The following SYNE1 variants were observed in gnomAD, a reference collection of about 807,000 sequenced individuals.
SYNE1 encodes the protein nesprin-1.
In SYNE1, 616 loss-of-function variants were observed where a neutral mutation model predicts 1,111.0. The ratio of observed to expected loss-of-function variants is 0.55; its 90% CI spans 0.52 to 0.59. SYNE1 has a LOEUF of 0.59. SYNE1 is among the 20% of genes least tolerant of loss of function. The pLI is 0.00. For synonymous variants in SYNE1, 3,855 were observed against 3,825.8 expected, an observed-to-expected ratio of 1.01 and a Z score of -0.28; for missense variants, 10,006 against 10,417.0, an observed-to-expected ratio of 0.96 and a Z score of 1.72.
chr6:152,331,668 T>G lies in SYNE1; in HGVS notation c.13017A>C (p.Ser4339=). ...CATTTAACTCCTCCAAGTTGGTGAC[T>G]GACACTTGGATTTTCCTTTTAATGA... ...EDLIKRKIQV[S]VTNLEELNVV... The change falls in exon 78 of 146, where the codon TCA becomes TCC. Residue 4339 remains serine, a synonymous_variant. Transcript: ENST00000367255. 5 of 1,614,222 alleles carry G rather than the reference T, an allele frequency of 3.1e-6. No individual in the cohort carries two copies. Among genetic ancestry groups the G allele is most frequent in the Non-Finnish European group, 4.2e-6 (5 of 1,180,034 alleles).
rs1255278240 is a variant in SYNE1, at chr6:152,359,343, C to T, written c.10415G>A (p.Arg3472Gln). Reference sequence around the variant, plus strand: ...GGCCCTCTCTTGGATGGCTCTGTATCGTTCCTGTAGATCCTGGAGTTCTAG... The same window carrying T: ...GGCCCTCTCTTGGATGGCTCTGTATTGTTCCTGTAGATCCTGGAGTTCTAG... ...TQLELQDLQE[R>Q]YRAIQERAKE... is the part of the protein sequence containing the mutation. Residue 3472 changes from arginine to glutamine, a missense_variant, in exon 65 of 146, where the codon CGA (arginine) becomes CAA (glutamine). Around this residue, in one of 7 missense-constraint regions of SYNE1, gnomAD observed 4,955 missense variants for 5,017.2 expected, o/e 0.99. Coordinates refer to ENST00000367255, the MANE Select transcript of SYNE1 (RefSeq NM_182961.4). The T allele has an allele frequency of 5.0e-6, 8 of 1,613,996 alleles. No homozygotes were observed. The highest frequency in any genetic ancestry group is 2.2e-5 in the East Asian group (1 of 44,890).
chr6:152,234,299 T>G (rs2083466535), intron 111 of SYNE1, among the ~76,000 whole-genome samples: 1 of 100,134 alleles, frequency 1.0e-5, no homozygotes, highest in African/African-American at 4.1e-5. Flanking sequence ...TTTTCTTTTC[T>G]TTTTTTCTTT....
chr6:152,346,776 C>G (rs1224054753), intron 73 of SYNE1, among the ~76,000 whole-genome samples: 16 of 152,144 alleles, frequency 1.1e-4, no homozygotes, highest in Admixed American at 1.0e-3. Flanking sequence ...CGCCACTGCA[C>G]TCCAGCCTGT....
intron 2 of SYNE1, among the ~76,000 whole-genome samples, chr6:152,629,542 G>GGGGGGGGGGGGGGGGT (rs2099693948): frequency 8.6e-6 from 1 of 116,566 alleles, no homozygotes; most frequent in Non-Finnish European, 1.8e-5. Context: ...GGGGGGAGGG[G>GGGGGGGGGGGGGGGGT]GAGGGGAGGA....
At position 152,256,701 on chromosome 6, in the gene SYNE1, T is replaced by C; in HGVS notation, c.19037A>G (p.Gln6346Arg). 1 of 1,614,108 alleles carries C rather than the reference T, an allele frequency of 6.2e-7. No individual in the cohort carries two copies. The highest frequency in any genetic ancestry group is 8.5e-7 in the Non-Finnish European group (1 of 1,179,958). Residue 6346 changes from glutamine (Q) to arginine (R), a missense_variant, in exon 102 of 146, where the codon CAA (glutamine) becomes CGA (arginine). Physicochemically the swap from Gln to Arg is conservative, Grantham distance 43. Transcript: ENST00000367255. ...CAAAGATGTAACTGCAGATTTATCT[T>C]GGGTTGGCACGTCCCCTTTGTACAG... is the stretch of plus-strand genomic sequence containing the variant. The part of the protein sequence containing the change: ...VPLYKGDVPT[Q>R]DKSAVTSLLD...
chr6:152,345,573 G>T (rs1651317209), intron 73 of SYNE1, among the ~76,000 whole-genome samples: 1 of 103,910 alleles, frequency 9.6e-6, no homozygotes, highest in Non-Finnish European at 2.3e-5. Flanking sequence ...ACCTTTGAAG[G>T]TGAATTTTTT....
chr6:152,429,456 TCTCA>T (rs563100764), intron 36 of SYNE1, among the ~76,000 whole-genome samples: 78 of 152,316 alleles, frequency 5.1e-4, no homozygotes, highest in African/African-American at 1.9e-3. Context: ...ACAATAGAAA[TCTCA>T]CTCCCTCTTC....
intron 4 of SYNE1, among the ~76,000 whole-genome samples, chr6:152,538,554 A>G (rs1430789205): frequency 6.6e-6 from 1 of 151,904 alleles, no homozygotes; most frequent in Non-Finnish European, 1.5e-5. Flanking sequence ...ACTTTCTAAA[A>G]GTTTCATTAT....
chr6:152,630,311 A>G (rs191909717), intron 2 of SYNE1, among the ~76,000 whole-genome samples: 1 of 152,260 alleles, frequency 6.6e-6, no homozygotes, highest in African/African-American at 2.4e-5. Context: ...TGAAAGGAGT[A>G]TATACTAGAA....
chr6:152,256,526 C>G, intron 102 of SYNE1, 108 bp downstream of exon 102: 1 of 1,456,052 alleles, frequency 6.9e-7, no homozygotes, highest in Non-Finnish European at 9.5e-7. Context: ...AGTGTTGGGT[C>G]TCATGCTCAG....
At chr6:152,379,928 G>A (rs1040676687) in intron 56 of SYNE1, among the ~76,000 whole-genome samples, 3 of 152,126 alleles carry the variant, frequency 2.0e-5, no homozygotes, top group Non-Finnish European at 4.4e-5. Flanking sequence ...GAAAGAAAAA[G>A]GAACCAAGAA....
chr6:152,188,455 A>T (rs1004352670), intron 128 of SYNE1, among the ~76,000 whole-genome samples: 1 of 152,204 alleles, frequency 6.6e-6, no homozygotes, highest in East Asian at 1.9e-4. Flanking sequence ...GTATTTAATA[A>T]ATGAATAAAG....
At chr6:152,221,655 C>T (rs1588130246) in intron 117 of SYNE1, 96 bp from the exon 118 acceptor site, 3 of 1,497,516 alleles carry the variant, frequency 2.0e-6, no homozygotes, top group East Asian at 4.5e-5. Flanking sequence ...TAAATATGTA[C>T]ATATACTTGT....
rs768821441 is a variant in SYNE1 at position 152,354,922 on chromosome 6, T to C, written c.10663A>G (p.Thr3555Ala). The change falls in exon 67 of 146, where the codon ACC (threonine) becomes GCC (alanine). Residue 3555 changes from threonine (T) to alanine (A), a missense_variant. By Grantham distance (58) the Thr-to-Ala change is moderately conservative. Around this residue, in one of 7 missense-constraint regions of SYNE1, gnomAD observed 4,955 missense variants for 5,017.2 expected, o/e 0.99. Transcript: ENST00000367255. Reference protein sequence around the residue: ...GQALLNSVLHTREDVIPSGIP... With the variant: ...GQALLNSVLHAREDVIPSGIP... ...CCTGATGGGATCACATCCTCTCTGG[T>C]GTGCAGCACTGAGTTCAACAGGGCC... 3 of 1,614,144 alleles carry C rather than the reference T, an allele frequency of 1.9e-6. No individual in the cohort carries two copies. The highest frequency in any genetic ancestry group is 2.5e-6 in the Non-Finnish European group (3 of 1,180,026).
rs2154248902 is a variant in SYNE1 at position 152,449,580 on chromosome 6, C to T, written c.3457G>A (p.Glu1153Lys). Residue 1153 changes from glutamate to lysine, a missense_variant, in exon 28 of 146, where the codon GAG becomes AAG. Glu to Lys is a moderately conservative substitution (Grantham distance 56). Coordinates refer to ENST00000367255, the MANE Select transcript of SYNE1 (RefSeq NM_182961.4). Reference sequence around the variant, plus strand: ...CCGTGGTTGGCAGTATCGATGGCCTCACCCTTGATCCCCTTTAATTGTGTC... The same window carrying T: ...CCGTGGTTGGCAGTATCGATGGCCTTACCCTTGATCCCCTTTAATTGTGTC... ...NETQLKGIKG[E>K]AIDTANHGEV... 3 of 1,614,150 alleles carry T rather than the reference C, an allele frequency of 1.9e-6. No individual in the cohort carries two copies. The highest frequency in any genetic ancestry group is 4.5e-5 in the East Asian group (2 of 44,876).
rs542243844 is a variant in SYNE1, at chr6:152,193,969, C to T, written c.23146-4562G>A. Reference sequence around the variant, plus strand: ...CAGAGCTTGCAGTGGGCCAAGATCCCGCCACTGCACTCCAGCCTGGGCAGC... The same window carrying T: ...CAGAGCTTGCAGTGGGCCAAGATCCTGCCACTGCACTCCAGCCTGGGCAGC... On this transcript the variant is annotated intron_variant, in intron 127 of 145. Coordinates refer to ENST00000367255, the MANE Select transcript of SYNE1 (RefSeq NM_182961.4). 5.6e-3 allele frequency among the ~76,000 whole-genome samples: 842 copies of T among 150,918 alleles called. 4 individuals carry two copies. Among genetic ancestry groups the T allele is most frequent in the Non-Finnish European group, 9.8e-3 (666 of 67,796 alleles).
intron 128 of SYNE1, among the ~76,000 whole-genome samples, chr6:152,187,747 T>G (rs1012803314): frequency 1.4e-4 from 21 of 149,812 alleles, no homozygotes; most frequent in Non-Finnish European, 2.8e-4. Context: ...GAGAGAGAGA[T>G]GGAGTTACGC....
intron 128 of SYNE1, among the ~76,000 whole-genome samples, chr6:152,182,426 T>G (rs899815188): frequency 7.9e-5 from 12 of 152,198 alleles, no homozygotes; most frequent in African/African-American, 2.7e-4. Flanking sequence ...CCCCAACATT[T>G]TATTACAAAA....
intron 114 of SYNE1, among the ~76,000 whole-genome samples, chr6:152,230,937 C>T (rs1297326370): frequency 6.7e-6 from 1 of 150,136 alleles, no homozygotes; most frequent in Admixed American, 6.7e-5. Context: ...CAATAGCCGA[C>T]GATCTAAAAA....
Sources: gnomAD v4.1 joint callset for allele counts (sites outside exome capture counted in the v4.1 genomes callset) on GRCh38, gnomAD v4.1.1 for gene constraint, gnomAD v4.1.1 regional missense constraint, MANE v1.5 for transcripts, NCBI Gene and HGNC (gene_info 2026-07-23, HGNC 2026-07-21) for gene names.